F5: variants seen among roughly 807,000 people sequenced by gnomAD.
F5 encodes coagulation factor V, also known as activated protein c cofactor.
In F5, 138 loss-of-function variants were observed where a neutral mutation model predicts 216.4. That is an observed-to-expected ratio of 0.64 (90% confidence interval 0.56 to 0.73). The LOEUF (loss-of-function observed/expected upper bound fraction) is 0.73. Among genes scored for constraint, F5 ranks in the 30% least tolerant of loss-of-function variants. F5 has a pLI of 0.00. For synonymous variants in F5, 916 were observed against 930.7 expected, an observed-to-expected ratio of 0.98 and a Z score of 0.29; for missense variants, 2,403 against 2,674.0, an observed-to-expected ratio of 0.90 and a Z score of 2.24.
chr1:169,537,310 G>A (rs773638642), intron 13 of F5, among the ~76,000 whole-genome samples: 1 of 152,146 alleles, frequency 6.6e-6, no homozygotes, highest in Non-Finnish European at 1.5e-5. Flanking sequence ...TAATTAGAAG[G>A]TCACACTTAT....
At chr1:169,532,187 G>T (rs1490069357) in intron 14 of F5, among the ~76,000 whole-genome samples, 1 of 152,150 alleles carries the variant, frequency 6.6e-6, no homozygotes, top group Non-Finnish European at 1.5e-5. Context: ...AGGCATTGAA[G>T]GAACATACTT....
chr1:169,553,658 C>A (rs1490962048), intron 7 of F5, among the ~76,000 whole-genome samples: 1 of 152,182 alleles, frequency 6.6e-6, no homozygotes, highest in Non-Finnish European at 1.5e-5. Flanking sequence ...GGAGGCGGAG[C>A]TTGCAGTGAG....
At chr1:169,564,091 A>G (rs1434780511) in intron 3 of F5, among the ~76,000 whole-genome samples, 1 of 152,022 alleles carries the variant, frequency 6.6e-6, no homozygotes, top group Non-Finnish European at 1.5e-5. Flanking sequence ...CTGTTTCTAA[A>G]TCCTTCTGAC....
chr1:169,552,440 G>A, intron 8 of F5, 117 bp downstream of exon 8: 2 of 837,690 alleles, frequency 2.4e-6, no homozygotes, highest in South Asian at 3.4e-5. Context: ...ACTAAAAGTT[G>A]CATTTGAATT....
intron 13 of F5, among the ~76,000 whole-genome samples, chr1:169,537,135 A>T (rs928652524): frequency 1.3e-5 from 2 of 152,190 alleles, no homozygotes; most frequent in African/African-American, 4.8e-5. Flanking sequence ...TGGTAAGCAC[A>T]TTATCTGACA....
rs191866237 is a variant in F5 at position 169,513,143 on chromosome 1, C to T, written c.*1170G>A. On this transcript the variant is annotated 3_prime_UTR_variant, in exon 25 of 25. Transcript: ENST00000367797. Reference sequence around the variant, plus strand: ...TGGTCTGAGAGATTGTTATGAATTTCGTTGATAAAATTTTATATATTTATG... The same window carrying T: ...TGGTCTGAGAGATTGTTATGAATTTTGTTGATAAAATTTTATATATTTATG... Among the ~76,000 whole-genome samples the T allele has an allele frequency of 7.9e-5, 12 of 151,764 alleles. No homozygotes were observed. The East Asian group carries it at 1.7e-3, about 22-fold the overall frequency.
intron 21 of F5, among the ~76,000 whole-genome samples, chr1:169,521,054 A>T (rs1659291768): frequency 6.6e-6 from 1 of 152,180 alleles, no homozygotes; most frequent in African/African-American, 2.4e-5. Context: ...CAATGAGTAC[A>T]GACTGAAAAA....
At chr1:169,582,978 T>G (rs1218089381) in intron 1 of F5, among the ~76,000 whole-genome samples, 3 of 152,116 alleles carry the variant, frequency 2.0e-5, no homozygotes, top group African/African-American at 7.2e-5. Context: ...AGTTGAGAGG[T>G]GAGAGATGGC....
At chr1:169,568,712 C>T (rs1660663619) in intron 3 of F5, among the ~76,000 whole-genome samples, 1 of 152,056 alleles carries the variant, frequency 6.6e-6, no homozygotes, top group South Asian at 2.1e-4. Context: ...AGTCGATAGT[C>T]AGCTTTGTAT....
chr1:169,528,180 A>G, intron 16 of F5, 86 bp from the exon 17 acceptor site: 3 of 1,511,894 alleles, frequency 2.0e-6, no homozygotes, highest in Non-Finnish European at 2.7e-6. Flanking sequence ...AACCCACTCA[A>G]CACCCATGTT....
At position 169,534,157 on chromosome 1, in the gene F5, C is replaced by T. The variant is rs115947044; in HGVS notation, c.4971+2349G>A. Among the ~76,000 whole-genome samples, 956 of 152,256 alleles carry T rather than the reference C, an allele frequency of 6.3e-3. 5 individuals carry two copies. The highest frequency in any genetic ancestry group is 0.022 in the African/African-American group (919 of 41,544). On this transcript the variant is annotated intron_variant, in intron 14 of 24. Transcript: ENST00000367797. The stretch of plus-strand genomic sequence containing the variant: ...CCTCCTTGCTCAATCAATCACGACC[C>T]ACTCACGTGGACCCTCTTAGAGTTG...
intron 3 of F5, among the ~76,000 whole-genome samples, chr1:169,571,219 G>C (rs1361103984): frequency 6.6e-6 from 1 of 152,052 alleles, no homozygotes; most frequent in Non-Finnish European, 1.5e-5. Flanking sequence ...ATTAACATCA[G>C]GTACTTACTA....
At chr1:169,528,195 A>C in intron 16 of F5, 101 bp from the exon 17 acceptor site, 3 of 1,419,846 alleles carry the variant, frequency 2.1e-6, no homozygotes, top group Non-Finnish European at 2.9e-6. Flanking sequence ...CATGTTCCTC[A>C]TGATTCTGCA....
At chr1:169,566,965 G>A in intron 3 of F5, among the ~76,000 whole-genome samples, 1 of 151,968 alleles carries the variant, frequency 6.6e-6, no homozygotes, top group East Asian at 1.9e-4. Flanking sequence ...GATAGAAATT[G>A]GTGATTTTCT....
At position 169,539,537 on chromosome 1, in the gene F5, T is replaced by G. The variant is rs146787001; in HGVS notation, c.4796+757A>C. The stretch of plus-strand genomic sequence containing the variant: ...ATAGGAAAAGGTGTTTTAAACAGAG[T>G]TCTAATGTGGAGATGTCAGGCATCA... On this transcript the variant is annotated intron_variant, in intron 13 of 24. Coordinates refer to ENST00000367797, the MANE Select transcript of F5 (RefSeq NM_000130.5). Among the ~76,000 whole-genome samples the G allele has an allele frequency of 3.9e-4, 60 of 152,248 alleles. No individual in the cohort carries two copies. The East Asian group carries it at 9.7e-3, about 24-fold the overall frequency.
intron 21 of F5, among the ~76,000 whole-genome samples, chr1:169,521,005 C>T (rs558646186): frequency 3.3e-5 from 5 of 152,024 alleles, no homozygotes; most frequent in African/African-American, 1.2e-4. Context: ...CTCATAAATC[C>T]CAGACTTAGA....
Position 169,512,640 on chromosome 1 carries a change from C to A in F5, c.*1673G>T, listed in dbSNP as rs950470839. ...TTCCAACATTCTCTTTTGCTCTTAA[C>A]GGAATGGAAATCTTAGAAATGTTGA... On this transcript the variant is annotated 3_prime_UTR_variant, in exon 25 of 25. Coordinates refer to ENST00000367797, the MANE Select transcript of F5 (RefSeq NM_000130.5). Among the ~76,000 whole-genome samples, 2 of 151,868 alleles carry A rather than the reference C, an allele frequency of 1.3e-5. No individual in the cohort carries two copies. Among genetic ancestry groups the A allele is most frequent in the Admixed American group, 6.6e-5 (1 of 15,222 alleles).
rs745956759 is a variant in F5 at position 169,550,661 on chromosome 1, C to T, written c.1375G>A (p.Val459Ile). The change falls in exon 9 of 25, where the codon GTC becomes ATC. Residue 459 changes from valine (V) to isoleucine (I), a missense_variant. By Grantham distance (29) the Val-to-Ile change is conservative. Around this residue, in one of 4 missense-constraint regions of F5, gnomAD observed 1,425 missense variants for 1,554.8 expected, o/e 0.92. Transcript: ENST00000367797. ...GVTFSPYEDE[V>I]NSSFTSGRNN... is the part of the protein sequence containing the mutation. ...AAACCTGAGGTGAAAGAAGAGTTGA[C>T]TTCATCTTCATAAGGCGAGAAGGTC... 1.2e-6 allele frequency: 2 copies of T among 1,613,846 alleles called. No homozygotes were observed. Among genetic ancestry groups the T allele is most frequent in the Non-Finnish European group, 1.7e-6 (2 of 1,179,796 alleles).
At chr1:169,563,727 C>T (rs921517109) in intron 3 of F5, among the ~76,000 whole-genome samples, 11 of 151,954 alleles carry the variant, frequency 7.2e-5, no homozygotes, top group African/African-American at 2.7e-4. Flanking sequence ...TATTCATCTA[C>T]AGAAGTTCTG....
Sources: gnomAD v4.1 joint callset for allele counts (sites outside exome capture counted in the v4.1 genomes callset) on GRCh38, gnomAD v4.1.1 for gene constraint, gnomAD v4.1.1 regional missense constraint, MANE v1.5 for transcripts, NCBI Gene and HGNC (gene_info 2026-07-23, HGNC 2026-07-21) for gene names.